Variants in ARHGAP15 observed in about 807,000 individuals in gnomAD.
The protein encoded by ARHGAP15 is rho GTPase-activating protein 15.
Under a neutral mutation model 63.7 loss-of-function variants are expected in ARHGAP15, and 51 were observed. The ratio of observed to expected loss-of-function variants is 0.80; its 90% CI spans 0.64 to 1.01. The LOEUF is 1.01. ARHGAP15 is among the 50% of genes least tolerant of loss of function. The pLI is 0.00. For missense variants in ARHGAP15, 560 were observed against 564.6 expected (o/e 0.99, Z 0.08); for synonymous variants, 191 against 193.8 (o/e 0.99, Z 0.12).
rs1690022276 is a variant in ARHGAP15, at chr2:143,155,019, T to G, written c.-14-458T>G. Among the ~76,000 whole-genome samples, 5 of 151,932 alleles carry G rather than the reference T, an allele frequency of 3.3e-5. No individual in the cohort carries two copies. The South Asian group carries it at 1.0e-3, about 31-fold the overall frequency. ...GTCTGTTTTGCTCTGACACCAATTT[T>G]ACTCACTTAAATTTGTCTTTATTCA... On this transcript the variant is annotated intron_variant, in intron 1 of 13. Transcript: ENST00000295095.
intron 6 of ARHGAP15, among the ~76,000 whole-genome samples, chr2:143,268,115 A>G (rs756351681): frequency 2.0e-5 from 3 of 152,084 alleles, no homozygotes; most frequent in African/African-American, 7.2e-5. Context: ...TCAGTGAAAA[A>G]TGATTGCAAT....
intron 4 of ARHGAP15, among the ~76,000 whole-genome samples, chr2:143,227,009 A>T (rs148567708): frequency 6.6e-6 from 1 of 152,334 alleles, no homozygotes; most frequent in East Asian, 1.9e-4. Flanking sequence ...ATTGACCTGA[A>T]TAAAGTCTTT....
chr2:143,196,425 T>A (rs377177222), intron 2 of ARHGAP15, among the ~76,000 whole-genome samples: 12 of 152,144 alleles, frequency 7.9e-5, no homozygotes, highest in East Asian at 7.7e-4. Context: ...AAGGTTGGAC[T>A]CTTTTTTTCT....
chr2:143,485,932 C>G (rs1692303963), intron 8 of ARHGAP15, among the ~76,000 whole-genome samples: 2 of 152,204 alleles, frequency 1.3e-5, no homozygotes, highest in South Asian at 4.1e-4. Flanking sequence ...TTCCACCCTT[C>G]TCCCAGCTAG....
intron 1 of ARHGAP15, among the ~76,000 whole-genome samples, chr2:143,136,069 T>G (rs1558767007): frequency 6.6e-6 from 1 of 152,072 alleles, no homozygotes; most frequent in East Asian, 1.9e-4. Flanking sequence ...CAACCCAGCC[T>G]GCTTCTTTCC....
rs533878286 is a variant in ARHGAP15, at chr2:143,595,083, G to A, written c.1004-29050G>A. On this transcript the variant is annotated intron_variant, in intron 11 of 13. Coordinates refer to ENST00000295095, the MANE Select transcript of ARHGAP15 (RefSeq NM_018460.4). ...GTGGTGCTGTCTTTGTGCCCATGAT[G>A]TAAATCTGTATTTAGAGATGGTCCT... 3.6e-3 allele frequency among the ~76,000 whole-genome samples: 554 copies of A among 152,226 alleles called. 4 individuals are homozygous for A. Among genetic ancestry groups the A allele is most frequent in the Non-Finnish European group, 5.8e-3 (397 of 67,998 alleles).
intron 11 of ARHGAP15, among the ~76,000 whole-genome samples, chr2:143,568,799 G>A (rs1696336303): frequency 2.0e-5 from 3 of 152,206 alleles, no homozygotes. Context: ...TTAAGAAAAT[G>A]TGGCACATAT....
chr2:143,312,406 T>C (rs1683489344), intron 6 of ARHGAP15, among the ~76,000 whole-genome samples: 1 of 152,172 alleles, frequency 6.6e-6, no homozygotes, highest in African/African-American at 2.4e-5. Context: ...GTCTAACATT[T>C]GATCGTATGT....
intron 13 of ARHGAP15, among the ~76,000 whole-genome samples, chr2:143,742,674 G>A (rs77858359): frequency 0.037 from 5,612 of 152,308 alleles, 140 homozygotes; most frequent in Non-Finnish European, 0.05. Flanking sequence ...CATGATTAAA[G>A]TGATGACTGA....
intron 6 of ARHGAP15, among the ~76,000 whole-genome samples, chr2:143,328,852 CAAAG>C (rs1684376587): frequency 1.3e-5 from 2 of 152,116 alleles, no homozygotes; most frequent in African/African-American, 4.8e-5. Flanking sequence ...ATTTGTAACA[CAAAG>C]AAATGATAAA....
chr2:143,396,784 G>A (rs2104984470), intron 6 of ARHGAP15, among the ~76,000 whole-genome samples: 1 of 152,110 alleles, frequency 6.6e-6, no homozygotes, highest in East Asian at 1.9e-4. Context: ...TCAAGGAGAT[G>A]AAGCATCTCA....
chr2:143,727,973 T>G (rs914056533), intron 13 of ARHGAP15, among the ~76,000 whole-genome samples: 3 of 152,182 alleles, frequency 2.0e-5, no homozygotes, highest in Non-Finnish European at 4.4e-5. Context: ...TTTAAAAATG[T>G]GTATCTTTTT....
intron 13 of ARHGAP15, among the ~76,000 whole-genome samples, chr2:143,758,901 T>A (rs1187050647): frequency 1.3e-5 from 2 of 152,148 alleles, no homozygotes; most frequent in Non-Finnish European, 2.9e-5. Context: ...CCCAGCAACC[T>A]GCCTTTTAAT....
At chr2:143,416,087 T>C (rs1046011437) in intron 6 of ARHGAP15, among the ~76,000 whole-genome samples, 4 of 151,130 alleles carry the variant, frequency 2.6e-5, no homozygotes, top group Non-Finnish European at 4.4e-5. Context: ...AACTTACTCA[T>C]GTAACCAAAC....
rs1190335603 is a variant in ARHGAP15 at position 143,526,895 on chromosome 2, A to G, written c.925+7531A>G. Among the ~76,000 whole-genome samples, 4 of 152,142 alleles carry G rather than the reference A, an allele frequency of 2.6e-5. No homozygotes were observed. The South Asian group carries it at 6.2e-4, about 24-fold the overall frequency. ...TGAACTGATTGATTAAAAATAATCA[A>G]CTTTCACAACAGTGTCACTCTGTTT... On this transcript the variant is annotated intron_variant, in intron 10 of 13. Coordinates refer to ENST00000295095, the MANE Select transcript of ARHGAP15 (RefSeq NM_018460.4).
intron 11 of ARHGAP15, among the ~76,000 whole-genome samples, chr2:143,619,189 G>T (rs879602546): frequency 7.9e-5 from 12 of 152,038 alleles, no homozygotes; most frequent in Non-Finnish European, 1.0e-4. Flanking sequence ...GGCTATCAAA[G>T]GTTCATCTTT....
chr2:143,315,623 C>T lies in ARHGAP15; in HGVS notation c.474+65023C>T, dbSNP rs973133919. On this transcript the variant is annotated intron_variant, in intron 6 of 13. Transcript: ENST00000295095. ...GCTATCATTGCATAGTTTCTACTAG[C>T]CAGAAATAACAGTTACAGAATAATA... Among the ~76,000 whole-genome samples, 3 of 152,004 alleles carry T rather than the reference C, an allele frequency of 2.0e-5. No homozygotes were observed. The East Asian group carries it at 5.8e-4, about 29-fold the overall frequency.
Position 143,699,579 on chromosome 2 carries a change from T to A in ARHGAP15, c.1139-3840T>A, listed in dbSNP as rs966416271. Among the ~76,000 whole-genome samples the A allele has an allele frequency of 1.6e-4, 25 of 152,324 alleles. No homozygotes were observed. The East Asian group carries it at 4.6e-3, about 28-fold the overall frequency. On this transcript the variant is annotated intron_variant, in intron 12 of 13. Coordinates refer to ENST00000295095, the MANE Select transcript of ARHGAP15 (RefSeq NM_018460.4). The stretch of plus-strand genomic sequence containing the variant: ...TATACATAACTGACCTGCTCACCAA[T>A]CAGACCATCAATTTCTCAGCCTATC...
In ARHGAP15 at chr2:143,703,519, A is replaced by G; in HGVS notation, c.1239A>G (p.Leu413=). The G allele has an allele frequency of 6.2e-7, 1 of 1,604,028 alleles. No individual in the cohort carries two copies. Among genetic ancestry groups the G allele is most frequent in the Non-Finnish European group, 8.5e-7 (1 of 1,175,324 alleles). The change falls in exon 13 of 14, where the codon CTA becomes CTG. Residue 413 remains leucine (L), a synonymous_variant. Coordinates refer to ENST00000295095, the MANE Select transcript of ARHGAP15 (RefSeq NM_018460.4). ...CCATGAAAGTCCTCTTTGGACATCT[A>G]ACTAAGTAAGTTGTAAGGATTTCTG... ...RDTMKVLFGH[L]TKIVAKASKN...
Sources: gnomAD v4.1 joint callset for allele counts (sites outside exome capture counted in the v4.1 genomes callset) on GRCh38, gnomAD v4.1.1 for gene constraint, MANE v1.5 for transcripts, NCBI Gene and HGNC (gene_info 2026-07-23, HGNC 2026-07-21) for gene names.